The following SSUH2 variants were observed in gnomAD, a reference collection of about 807,000 sequenced individuals.
SSUH2 encodes the protein ssu-2 homolog.
Under a neutral mutation model 55.3 loss-of-function variants are expected in SSUH2, and 47 were observed. The ratio of observed to expected loss-of-function variants is 0.85; its 90% CI spans 0.67 to 1.08. The LOEUF is 1.08. Ranked by LOEUF, SSUH2 falls within the 50% of genes least tolerant of loss-of-function variation. The pLI is 0.00. For missense variants in SSUH2, 535 were observed against 490.7 expected (o/e 1.09, Z -0.85); for synonymous variants, 212 against 191.5 (o/e 1.11, Z -0.89).
chr3:8,620,009 C>A lies in SSUH2; in HGVS notation c.987G>T (p.Gln329His). 1 of 1,613,908 alleles carries A rather than the reference C, an allele frequency of 6.2e-7. No individual in the cohort carries two copies. ...ASRARVLQQR[Q>H]TIELIPLTEV... The stretch of plus-strand genomic sequence containing the variant: ...CTGTGAGGGGGATCAGCTCAATGGT[C>A]TGGCGCTGAGGAAACAAATAGCCAA... Residue 329 changes from glutamine (Q) to histidine (H), a missense_variant, in exon 12 of 12, where the codon CAG (glutamine) becomes CAT (histidine). Gln to His is a conservative substitution (Grantham distance 24). Coordinates refer to ENST00000544814, the MANE Select transcript of SSUH2 (RefSeq NM_001256748.3).
In SSUH2 at chr3:8,628,905, G is replaced by A. The variant is rs1033893966; in HGVS notation, c.588+759C>T. On this transcript the variant is annotated intron_variant, in intron 7 of 11. Transcript: ENST00000544814. ...GAGTCTTGCTCTGTCGCCCAGGCGGGAGTGCAGTGGCACGTTCTCCGCTCA... is the reference window on the plus strand; with the variant it reads ...GAGTCTTGCTCTGTCGCCCAGGCGGAAGTGCAGTGGCACGTTCTCCGCTCA... 1.3e-4 allele frequency among the ~76,000 whole-genome samples: 20 copies of A among 152,338 alleles called. No individual in the cohort carries two copies. The East Asian group carries it at 1.9e-3, about 15-fold the overall frequency.
intron 1 of SSUH2, among the ~76,000 whole-genome samples, chr3:8,637,768 G>A (rs189015492): frequency 1.1e-3 from 163 of 152,294 alleles, no homozygotes; most frequent in African/African-American, 3.7e-3. Context: ...AGGGGACACC[G>A]TCTGTCTCAG....
chr3:8,643,696 GTGTC>G (rs1701248587), intron 1 of SSUH2, among the ~76,000 whole-genome samples: 1 of 152,090 alleles, frequency 6.6e-6, no homozygotes, highest in African/African-American at 2.4e-5. Flanking sequence ...AGAAGCTCCA[GTGTC>G]ATCAAGTCTG....
intron 3 of SSUH2, chr3:8,634,418 C>G: frequency 7.7e-7 from 1 of 1,290,760 alleles, no homozygotes; most frequent in South Asian, 1.2e-5. Flanking sequence ...CTGGCCCCAA[C>G]ACCTCCAAGA....
rs1250470538 is a variant in SSUH2, at chr3:8,630,874, C to T, written c.456G>A (p.Lys152=). 6.7e-7 allele frequency: 1 copy of T among 1,498,316 alleles called. No homozygotes were observed. Among genetic ancestry groups the T allele is most frequent in the Non-Finnish European group, 8.9e-7 (1 of 1,124,012 alleles). The allele number at this position is 1,498,316 out of a possible 1,614,324, so 92.8% of individuals were successfully genotyped here. ...CCTGAAACATCGGAGGACCTTGAAC[C>T]TTGATGTCCCAGAGCCTGGGGGAGG... ...RGASPRLWDI[K]VQGPPMFQED... The change falls in exon 6 of 12, where the codon AAG becomes AAA. Residue 152 remains lysine, a synonymous_variant. Coordinates refer to ENST00000544814, the MANE Select transcript of SSUH2 (RefSeq NM_001256748.3).
intron 1 of SSUH2, among the ~76,000 whole-genome samples, chr3:8,638,466 G>T (rs1352507179): frequency 1.3e-5 from 2 of 152,206 alleles, no homozygotes; most frequent in African/African-American, 4.8e-5. Flanking sequence ...ACACATCTTT[G>T]TGAGCCAATG....
intron 10 of SSUH2, among the ~76,000 whole-genome samples, chr3:8,624,121 T>C (rs1016907652): frequency 2.6e-5 from 4 of 151,622 alleles, no homozygotes; most frequent in African/African-American, 7.3e-5. Context: ...GTCCGGGCAC[T>C]GGGGCATCTC....
chr3:8,645,575 C>T (rs1701574421), upstream of SSUH2, among the ~76,000 whole-genome samples: 1 of 152,200 alleles, frequency 6.6e-6, no homozygotes, highest in African/African-American at 2.4e-5. Flanking sequence ...ACCCCCTCCA[C>T]TGCATCCTTG....
chr3:8,669,831 G>C (rs1016167646), intron 5 of SSUH2, among the ~76,000 whole-genome samples: 1 of 152,154 alleles, frequency 6.6e-6, no homozygotes, highest in South Asian at 2.1e-4. Context: ...GGTCATAAAA[G>C]GACAAGTACA....
At chr3:8,652,445 T>C (rs1201356736) in intron 7 of SSUH2, among the ~76,000 whole-genome samples, 1 of 152,222 alleles carries the variant, frequency 6.6e-6, no homozygotes, top group Non-Finnish European at 1.5e-5. Flanking sequence ...TCAATGCTTA[T>C]CATGTCTACC....
At chr3:8,621,612 C>T (rs1457323526) in intron 11 of SSUH2, among the ~76,000 whole-genome samples, 1 of 152,140 alleles carries the variant, frequency 6.6e-6, no homozygotes, top group Non-Finnish European at 1.5e-5. Flanking sequence ...GTTCTCTAGA[C>T]CTCAGTTTCC....
chr3:8,653,398 T>C (rs906262915), intron 7 of SSUH2, among the ~76,000 whole-genome samples: 37 of 152,268 alleles, frequency 2.4e-4, no homozygotes, highest in African/African-American at 8.4e-4. Flanking sequence ...TCAATTTACA[T>C]GTAAATTTGC....
intron 3 of SSUH2, among the ~76,000 whole-genome samples, chr3:8,676,105 G>C (rs562500577): frequency 2.6e-5 from 4 of 151,520 alleles, no homozygotes; most frequent in African/African-American, 7.3e-5. Flanking sequence ...CCTCTTCCCC[G>C]CCTGGCTCTT....
chr3:8,623,401 G>A, intron 11 of SSUH2, 148 bp downstream of exon 11: 1 of 617,626 alleles, frequency 1.6e-6, no homozygotes, highest in Non-Finnish European at 2.9e-6. Context: ...TGGGGCCTTA[G>A]GTCAGGCCCT....
chr3:8,666,395 A>G (rs1025170465), intron 5 of SSUH2, among the ~76,000 whole-genome samples: 1 of 152,210 alleles, frequency 6.6e-6, no homozygotes, highest in African/African-American at 2.4e-5. Context: ...TACACCAAGT[A>G]TCTTAGGCTG....
intron 3 of SSUH2, among the ~76,000 whole-genome samples, chr3:8,676,126 G>A (rs1341644841): frequency 1.3e-5 from 2 of 152,034 alleles, no homozygotes; most frequent in South Asian, 4.2e-4. Context: ...AGGATCCACG[G>A]TGGACTCACA....
intron 1 of SSUH2, among the ~76,000 whole-genome samples, chr3:8,643,837 T>C (rs1290012212): frequency 2.0e-5 from 3 of 152,172 alleles, no homozygotes; most frequent in Non-Finnish European, 2.9e-5. Context: ...GGTCCTCAGA[T>C]TGAGACCTAA....
chr3:8,654,453 T>C (rs1702732775), intron 7 of SSUH2, among the ~76,000 whole-genome samples: 2 of 152,242 alleles, frequency 1.3e-5, no homozygotes, highest in South Asian at 4.1e-4. Flanking sequence ...TGTATCATGA[T>C]GTATTTAACC....
intron 1 of SSUH2, among the ~76,000 whole-genome samples, chr3:8,643,718 T>C (rs913120692): frequency 6.6e-6 from 1 of 152,216 alleles, no homozygotes; most frequent in Non-Finnish European, 1.5e-5. Context: ...CTGGTGACTA[T>C]GAAGTTGTGT....
Sources: gnomAD v4.1 joint callset for allele counts (sites outside exome capture counted in the v4.1 genomes callset) on GRCh38, gnomAD v4.1.1 for gene constraint, MANE v1.5 for transcripts, NCBI Gene and HGNC (gene_info 2026-07-23, HGNC 2026-07-21) for gene names.